The following ARL2 variants were observed in gnomAD, a reference collection of about 807,000 sequenced individuals.
ARL2 encodes ARF like GTPase 2.
A neutral mutation model predicts 22.0 loss-of-function variants in ARL2; 11 were observed. The observed-to-expected ratio is 0.50, with a 90% CI of 0.31 to 0.83. The LOEUF (loss-of-function observed/expected upper bound fraction) is 0.83. Among genes scored for constraint, ARL2 ranks in the 40% least tolerant of loss-of-function variants. The pLI, the probability that ARL2 is intolerant of heterozygous loss-of-function variation, is 0.04. For missense variants in ARL2, 216 were observed against 243.2 expected, an observed-to-expected ratio of 0.89 and a Z score of 0.74; for synonymous variants, 111 against 100.8, an observed-to-expected ratio of 1.10 and a Z score of -0.61.
intron 3 of ARL2, 118 bp from the exon 4 acceptor site, chr11:65,020,301 C>T (rs899115250): frequency 5.4e-5 from 46 of 852,530 alleles, no homozygotes; most frequent in Admixed American, 5.4e-4. Flanking sequence ...CCCACCACCA[C>T]GGGGCCTCAC....
rs776618009 is a variant in ARL2, at chr11:65,020,406, T to C, written c.340-13T>C. ...TGAGTCCCCACCCCACCCCTCTATC[T>C]TTTCTCCCCCAGCGCCTGGCCGGAG... On this transcript the variant is annotated splice_polypyrimidine_tract_variant and intron_variant, in intron 3 of 4. Coordinates refer to ENST00000246747, the MANE Select transcript of ARL2 (RefSeq NM_001667.4). 1.2e-6 allele frequency: 2 copies of C among 1,605,348 alleles called. No individual in the cohort carries two copies. Among genetic ancestry groups the C allele is most frequent in the Non-Finnish European group, 1.7e-6 (2 of 1,173,966 alleles).
intron 1 of ARL2, among the ~76,000 whole-genome samples, chr11:65,015,853 G>A (rs1213478293): frequency 1.3e-5 from 2 of 152,062 alleles, no homozygotes; most frequent in African/African-American, 4.8e-5. Context: ...GCTCCAGGAT[G>A]AACTCCCACT....
intron 1 of ARL2, among the ~76,000 whole-genome samples, chr11:65,015,729 T>G (rs1199489599): frequency 1.3e-5 from 2 of 152,118 alleles, no homozygotes; most frequent in Admixed American, 6.5e-5. Context: ...GAGACCAGCC[T>G]GGGCAACATA....
chr11:65,019,046 C>A, intron 3 of ARL2: 1 of 956,100 alleles, frequency 1.0e-6, no homozygotes, highest in Non-Finnish European at 1.4e-6. Context: ...TTCGAGAGGC[C>A]ATGGAGCCTG....
chr11:65,017,021 T>C (rs1328034321), intron 1 of ARL2, among the ~76,000 whole-genome samples: 2 of 152,142 alleles, frequency 1.3e-5, no homozygotes, highest in African/African-American at 2.4e-5. Context: ...GGGACTGACC[T>C]TGGTAAGGAC....
At chr11:65,015,647 G>T (rs1277624727) in intron 1 of ARL2, among the ~76,000 whole-genome samples, 4 of 152,148 alleles carry the variant, frequency 2.6e-5, no homozygotes. Context: ...GAGGCTGGGT[G>T]CGGTGGCACA....
chr11:65,019,160 C>T (rs1176796104), intron 3 of ARL2: 3 of 347,662 alleles, frequency 8.6e-6, no homozygotes, highest in East Asian at 7.8e-5. Flanking sequence ...TCAGTTGAGC[C>T]CAGGAGGTTG....
In ARL2 at chr11:65,018,761, T is replaced by C. The variant is rs371041179; in HGVS notation, c.339+28T>C. 8 of 1,612,410 alleles carry C rather than the reference T, an allele frequency of 5.0e-6. No individual in the cohort carries two copies. Among genetic ancestry groups the C allele is most frequent in the Non-Finnish European group, 5.9e-6 (7 of 1,179,880 alleles). ...GGGCAGCTCCTACCCTTTGTGTACA[T>C]GTATGGACGTGTGGCTGCCTTCTCA... On this transcript the variant is annotated intron_variant, in intron 3 of 4. Transcript: ENST00000246747. This position sits in a 1 kb window ranked among gnomAD's most constrained non-coding sequence, Gnocchi z 4.2.
In ARL2 at chr11:65,021,924, G is replaced by T; in HGVS notation, c.*69G>T. 3 of 1,560,986 alleles carry T rather than the reference G, an allele frequency of 1.9e-6. No homozygotes were observed. Among genetic ancestry groups the T allele is most frequent in the Non-Finnish European group, 2.6e-6 (3 of 1,151,880 alleles). Reference sequence around the variant, plus strand: ...CTTCACCAAACACTACCCATGGGGGGTTGGGAGTCAGCCGGCCAAACTAAC... The same window carrying T: ...CTTCACCAAACACTACCCATGGGGGTTTGGGAGTCAGCCGGCCAAACTAAC... On this transcript the variant is annotated 3_prime_UTR_variant, in exon 5 of 5. Coordinates refer to ENST00000246747, the MANE Select transcript of ARL2 (RefSeq NM_001667.4).
chr11:65,014,481 C>T (rs1946224521), intron 1 of ARL2, among the ~76,000 whole-genome samples: 1 of 152,154 alleles, frequency 6.6e-6, no homozygotes, highest in Non-Finnish European at 1.5e-5. Flanking sequence ...GCCGCAGAAG[C>T]GGTCCTGCAG....
In ARL2 at chr11:65,018,511, A is replaced by G; in HGVS notation, c.176+37A>G. 6.2e-7 allele frequency: 1 copy of G among 1,601,846 alleles called. No homozygotes were observed. Among genetic ancestry groups the G allele is most frequent in the Non-Finnish European group, 8.5e-7 (1 of 1,174,148 alleles). On this transcript the variant is annotated intron_variant, in intron 2 of 4. Transcript: ENST00000246747. The surrounding 1 kb of genome is among the most constrained non-coding windows in gnomAD (Gnocchi z 4.2). Reference sequence around the variant, plus strand: ...CCCCATGGGAGGGCCAGCCCAGAGCAGGGCAGGGAAGGTGGGAGAGGGGCC... The same window carrying G: ...CCCCATGGGAGGGCCAGCCCAGAGCGGGGCAGGGAAGGTGGGAGAGGGGCC...
Position 65,022,144 on chromosome 11 carries a change from A to C in ARL2, c.*289A>C, listed in dbSNP as rs1590733290. The C allele has an allele frequency of 2.2e-6, 1 of 450,620 alleles. No homozygotes were observed. The highest frequency in any genetic ancestry group is 4.1e-6 in the Non-Finnish European group (1 of 243,274). The allele number at this position is 450,620 out of a possible 1,614,324, so 27.9% of individuals were successfully genotyped here. A position where few individuals can be genotyped will look rare whatever the true frequency, so the allele number is the denominator to read the frequency against. ...TGCTGCTACCGAGGCTGTGGGCCTC[A>C]TCCTTCACTCAGTTGTGAAATAAAC... On this transcript the variant is annotated 3_prime_UTR_variant, in exon 5 of 5. Transcript: ENST00000246747.
At chr11:65,016,267 TC>T (rs1450547249) in intron 1 of ARL2, among the ~76,000 whole-genome samples, 1 of 90,872 alleles carries the variant, frequency 1.1e-5, no homozygotes, top group African/African-American at 5.0e-5. Context: ...ATATAGCAAT[TC>T]GGGGGGGGGG....
In ARL2 at chr11:65,018,441, T is replaced by C; in HGVS notation, c.143T>C (p.Leu48Pro). ...GACATCGACACCATCTCCCCAACGCTGGGCTTCAACATCAAGACCCTGGAG... is the reference window on the plus strand; with the variant it reads ...GACATCGACACCATCTCCCCAACGCCGGGCTTCAACATCAAGACCCTGGAG... ...GEDIDTISPTLGFNIKTLEHR... is the reference protein window; with the variant it reads ...GEDIDTISPTPGFNIKTLEHR... The change falls in exon 2 of 5, where the codon CTG becomes CCG. Residue 48 changes from leucine (L) to proline (P), a missense_variant. Transcript: ENST00000246747. The surrounding 1 kb of genome is among the most constrained non-coding windows in gnomAD (Gnocchi z 4.2). The C allele has an allele frequency of 6.2e-7, 1 of 1,609,258 alleles. No individual in the cohort carries two copies. Among genetic ancestry groups the C allele is most frequent in the Non-Finnish European group, 8.5e-7 (1 of 1,178,114 alleles).
intron 1 of ARL2, among the ~76,000 whole-genome samples, chr11:65,017,486 G>A (rs1327040590): frequency 2.0e-5 from 3 of 152,098 alleles, no homozygotes; most frequent in East Asian, 1.9e-4. Context: ...GTGAGCCACC[G>A]CGCCCGGCCT....
chr11:65,019,145 G>T, intron 3 of ARL2: 3 of 361,760 alleles, frequency 8.3e-6, no homozygotes, highest in South Asian at 6.7e-5. Flanking sequence ...GCTCAGACAG[G>T]AGGATCAGTT....
In ARL2 at chr11:65,021,899, C is replaced by A; in HGVS notation, c.*44C>A. Reference sequence around the variant, plus strand: ...CACCTAGCAGTCCAGGTCCCTCAACCTTCACCAAACACTACCCATGGGGGG... The same window carrying A: ...CACCTAGCAGTCCAGGTCCCTCAACATTCACCAAACACTACCCATGGGGGG... On this transcript the variant is annotated 3_prime_UTR_variant, in exon 5 of 5. Coordinates refer to ENST00000246747, the MANE Select transcript of ARL2 (RefSeq NM_001667.4). 10 of 1,589,670 alleles carry A rather than the reference C, an allele frequency of 6.3e-6. No individual in the cohort carries two copies. Among genetic ancestry groups the A allele is most frequent in the Non-Finnish European group, 7.7e-6 (9 of 1,167,122 alleles).
At chr11:65,019,105 C>A in intron 3 of ARL2, 2 of 446,956 alleles carry the variant, frequency 4.5e-6, no homozygotes, top group Non-Finnish European at 7.7e-6. Flanking sequence ...GGGGTGGTGG[C>A]ACGCACCTAT....
At chr11:65,017,160 A>T (rs1341201661) in intron 1 of ARL2, among the ~76,000 whole-genome samples, 1 of 151,852 alleles carries the variant, frequency 6.6e-6, no homozygotes, top group Non-Finnish European at 1.5e-5. Flanking sequence ...TAAATGAATA[A>T]CTAGATGGGG....
Sources: allele counts gnomAD v4.1 joint callset (sites outside exome capture counted in the v4.1 genomes callset), GRCh38; gene constraint gnomAD v4.1.1; non-coding constraint Gnocchi (gnomAD v3.1); transcripts MANE v1.5; gene names NCBI Gene and HGNC (gene_info 2026-07-23, HGNC 2026-07-21).